Variants in BTBD7 observed in about 807,000 individuals in gnomAD.
BTBD7 encodes the protein BTB domain containing 7, also known as BTB/POZ domain-containing protein 7.
In BTBD7, 38 loss-of-function variants were observed where a neutral mutation model predicts 99.9. The observed-to-expected ratio is 0.38, with a 90% CI of 0.29 to 0.50. The LOEUF (loss-of-function observed/expected upper bound fraction) is 0.50, where lower values mean the gene tolerates loss of function less well. Among genes scored for constraint, BTBD7 ranks in the 20% least tolerant of loss-of-function variants. BTBD7 has a pLI of 0.93. For missense variants in BTBD7, 1,170 were observed against 1,394.6 expected, an observed-to-expected ratio of 0.84 and a Z score of 2.57; for synonymous variants, 520 against 511.4, an observed-to-expected ratio of 1.02 and a Z score of -0.23.
At chr14:93,302,632 G>A (rs2053018297) in intron 1 of BTBD7, among the ~76,000 whole-genome samples, 1 of 152,142 alleles carries the variant, frequency 6.6e-6, no homozygotes, top group Non-Finnish European at 1.5e-5. Context: ...GGATCACGAG[G>A]TCAGGAGTTC....
intron 4 of BTBD7, 40 bp from the exon 5 acceptor site, chr14:93,261,717 A>G (rs1333696175): frequency 2.8e-6 from 4 of 1,451,896 alleles, no homozygotes; most frequent in East Asian, 2.3e-5. Context: ...TAGTGAAATT[A>G]GATAAGTGGT....
chr14:93,327,266 T>C (rs1351883964), intron 1 of BTBD7, among the ~76,000 whole-genome samples: 2 of 152,254 alleles, frequency 1.3e-5, no homozygotes, highest in East Asian at 3.8e-4. Context: ...TTCTGCTTCT[T>C]GATTCAATTA....
chr14:93,316,204 T>G (rs974232669), intron 1 of BTBD7, among the ~76,000 whole-genome samples: 2 of 151,744 alleles, frequency 1.3e-5, no homozygotes, highest in East Asian at 3.9e-4. Context: ...TCTACCCACC[T>G]TGGCCTCCCC....
intron 1 of BTBD7, among the ~76,000 whole-genome samples, chr14:93,325,985 T>TC (rs2053326039): frequency 6.6e-6 from 1 of 152,172 alleles, no homozygotes; most frequent in Non-Finnish European, 1.5e-5. Context: ...ATAGTAAGGG[T>TC]ATCTGAAAGA....
chr14:93,329,974 C>A (rs995721026), intron 1 of BTBD7, among the ~76,000 whole-genome samples: 22 of 152,188 alleles, frequency 1.4e-4, no homozygotes, highest in African/African-American at 5.1e-4. Context: ...GATTTTACCA[C>A]AATTAAGCCC....
intron 1 of BTBD7, among the ~76,000 whole-genome samples, chr14:93,321,106 T>C (rs1193307907): frequency 7.2e-5 from 11 of 152,160 alleles, no homozygotes; most frequent in Admixed American, 7.2e-4. Context: ...TTTCACTTTG[T>C]ATAATAAGTA....
At chr14:93,313,574 A>G (rs1315064166) in intron 1 of BTBD7, among the ~76,000 whole-genome samples, 1 of 152,196 alleles carries the variant, frequency 6.6e-6, no homozygotes, top group Non-Finnish European at 1.5e-5. Context: ...TTTTCAAACT[A>G]GAAAATGATG....
intron 1 of BTBD7, among the ~76,000 whole-genome samples, chr14:93,299,464 G>A (rs2052967003): frequency 6.6e-6 from 1 of 152,172 alleles, no homozygotes; most frequent in African/African-American, 2.4e-5. Flanking sequence ...ACGGAGAGAG[G>A]AGCAAGGAGA....
rs2052217678 is a variant in BTBD7 at position 93,240,862 on chromosome 14, GT to G, written c.*1410del. 6.6e-6 allele frequency: 1 copy of G among 152,602 alleles called. No individual in the cohort carries two copies. The highest frequency in any genetic ancestry group is 6.5e-5 in the Admixed American group (1 of 15,268). The allele number at this position is 152,602 out of a possible 1,614,324, so 9.5% of individuals were successfully genotyped here. Reference sequence around the variant, plus strand: ...GTGGAGTTCAAGTAGGACATGTAGTGTTTAACTGAAAACAATTTTTTTCCTT... The same window carrying G: ...GTGGAGTTCAAGTAGGACATGTAGTGTTAACTGAAAACAATTTTTTTCCTT... On this transcript the variant is annotated 3_prime_UTR_variant, in exon 11 of 11. Transcript: ENST00000334746.
At chr14:93,318,188 C>T (rs888207155) in intron 1 of BTBD7, among the ~76,000 whole-genome samples, 4 of 152,162 alleles carry the variant, frequency 2.6e-5, no homozygotes, top group African/African-American at 9.7e-5. Context: ...CTCTACTGTC[C>T]TCCCAAAATG....
chr14:93,273,282 G>A (rs1216312635), intron 3 of BTBD7, among the ~76,000 whole-genome samples: 2 of 152,142 alleles, frequency 1.3e-5, no homozygotes, highest in Admixed American at 6.5e-5. Flanking sequence ...GTGACTATAA[G>A]GCCTAGATAC....
At chr14:93,268,743 C>A (rs904179169) in intron 3 of BTBD7, among the ~76,000 whole-genome samples, 4 of 150,920 alleles carry the variant, frequency 2.7e-5, no homozygotes, top group South Asian at 2.1e-4. Flanking sequence ...CCTTTTATGC[C>A]TCTAACTTAG....
chr14:93,262,582 A>G (rs1349080057), intron 4 of BTBD7, among the ~76,000 whole-genome samples: 1 of 152,132 alleles, frequency 6.6e-6, no homozygotes, highest in South Asian at 2.1e-4. Context: ...ATGAAAGTGT[A>G]AGTATAGGGT....
At chr14:93,272,481 G>T (rs942304469) in intron 3 of BTBD7, among the ~76,000 whole-genome samples, 9 of 152,062 alleles carry the variant, frequency 5.9e-5, no homozygotes, top group Non-Finnish European at 1.2e-4. Flanking sequence ...TTGTCCTTCA[G>T]AACACCCTTC....
At chr14:93,293,260 T>A (rs1018907147) in intron 3 of BTBD7, among the ~76,000 whole-genome samples, 2 of 152,204 alleles carry the variant, frequency 1.3e-5, no homozygotes, top group Non-Finnish European at 2.9e-5. Context: ...TTTAAAAAAA[T>A]TTTAGTTTAA....
chr14:93,323,066 T>C (rs2053288192), intron 1 of BTBD7, among the ~76,000 whole-genome samples: 1 of 151,942 alleles, frequency 6.6e-6, no homozygotes, highest in South Asian at 2.1e-4. Flanking sequence ...GAGGCTGCGG[T>C]GAGCTATGAT....
chr14:93,315,856 GGTT>G (rs1427453602), intron 1 of BTBD7, among the ~76,000 whole-genome samples: 1 of 151,824 alleles, frequency 6.6e-6, no homozygotes, highest in African/African-American at 2.4e-5. Context: ...TCCACTTTTT[GGTT>G]ATTATGAATA....
intron 1 of BTBD7, among the ~76,000 whole-genome samples, chr14:93,302,161 T>C (rs1464717328): frequency 6.6e-6 from 1 of 152,202 alleles, no homozygotes; most frequent in East Asian, 1.9e-4. Flanking sequence ...TCAACAACCT[T>C]GGTTCGATTT....
chr14:93,321,810 A>C (rs1044068427), intron 1 of BTBD7, among the ~76,000 whole-genome samples: 2 of 152,088 alleles, frequency 1.3e-5, no homozygotes, highest in African/African-American at 2.4e-5. Context: ...TGTTTATCTT[A>C]AACGATTCTT....
Sources: allele counts gnomAD v4.1 joint callset (sites outside exome capture counted in the v4.1 genomes callset), GRCh38; gene constraint gnomAD v4.1.1; transcripts MANE v1.5; gene names NCBI Gene and HGNC (gene_info 2026-07-23, HGNC 2026-07-21).